The following UTRN variants were observed in gnomAD, a reference collection of about 807,000 sequenced individuals.
The protein encoded by UTRN is dystrophin-related protein 1.
Under a neutral mutation model 463.9 loss-of-function variants are expected in UTRN, and 283 were observed. The ratio of observed to expected loss-of-function variants is 0.61; its 90% CI spans 0.55 to 0.67. The LOEUF is 0.67. Among genes scored for constraint, UTRN ranks in the 30% least tolerant of loss-of-function variants. The pLI is 0.00. For missense variants in UTRN, 3,922 were observed against 4,084.3 expected, an observed-to-expected ratio of 0.96 and a Z score of 1.08; for synonymous variants, 1,442 against 1,431.5, an observed-to-expected ratio of 1.01 and a Z score of -0.17.
intron 2 of UTRN, among the ~76,000 whole-genome samples, chr6:144,341,450 A>G (rs1226600045): frequency 6.6e-6 from 1 of 152,070 alleles, no homozygotes; most frequent in Non-Finnish European, 1.5e-5. Flanking sequence ...TAAGGTCTGA[A>G]AAAAAAAGAT....
At chr6:144,546,533 A>G (rs2091485) in intron 46 of UTRN, among the ~76,000 whole-genome samples, 82,509 of 152,008 alleles carry the variant, frequency 0.54, 24,500 homozygotes, top group East Asian at 0.85. Flanking sequence ...GGGCACAGTG[A>G]ATCATGTCTA....
chr6:144,834,524 C>T (rs1780944050), intron 69 of UTRN, among the ~76,000 whole-genome samples: 1 of 152,186 alleles, frequency 6.6e-6, no homozygotes, highest in African/African-American at 2.4e-5. Flanking sequence ...CTGTCTGATA[C>T]AATTTCAAGT....
At chr6:144,772,894 C>A (rs567591333) in intron 59 of UTRN, among the ~76,000 whole-genome samples, 2 of 151,756 alleles carry the variant, frequency 1.3e-5, no homozygotes, top group African/African-American at 2.4e-5. Flanking sequence ...GAGGGAAAAA[C>A]AGCACCCGAA....
At chr6:144,694,120 A>C (rs569491804) in intron 52 of UTRN, among the ~76,000 whole-genome samples, 1 of 151,954 alleles carries the variant, frequency 6.6e-6, no homozygotes, top group Non-Finnish European at 1.5e-5. Flanking sequence ...TTTTGTTGAA[A>C]GCCTTTTCTG....
At chr6:144,678,374 C>G (rs1781860667) in intron 51 of UTRN, 32 bp from the exon 52 acceptor site, 1 of 1,597,100 alleles carries the variant, frequency 6.3e-7, no homozygotes, top group African/African-American at 1.3e-5. Context: ...ATTCCTAACA[C>G]TTGCATTATC....
intron 3 of UTRN, among the ~76,000 whole-genome samples, chr6:144,416,917 T>C (rs1005372143): frequency 1.3e-5 from 2 of 152,222 alleles, no homozygotes; most frequent in Non-Finnish European, 2.9e-5. Flanking sequence ...TATTCAACTG[T>C]ATTCTCTTTG....
At chr6:144,619,801 GC>G (rs71552924) in intron 51 of UTRN, among the ~76,000 whole-genome samples, 24,653 of 152,110 alleles carry the variant, frequency 0.16, 2,172 homozygotes, top group South Asian at 0.27. Context: ...CTTAATATCT[GC>G]CCCCATTTTG....
intron 51 of UTRN, among the ~76,000 whole-genome samples, chr6:144,599,169 G>C (rs568963102): frequency 6.6e-6 from 1 of 152,262 alleles, no homozygotes; most frequent in East Asian, 1.9e-4. Context: ...GACAGAAATT[G>C]AAGACCAGGA....
At chr6:144,566,849 A>C (rs916128028) in intron 50 of UTRN, among the ~76,000 whole-genome samples, 3 of 152,142 alleles carry the variant, frequency 2.0e-5, no homozygotes, top group Non-Finnish European at 4.4e-5. Context: ...AAAAGACTTC[A>C]TGAAAAGTTT....
chr6:144,365,355 A>T (rs1333265759), intron 2 of UTRN, among the ~76,000 whole-genome samples: 2 of 152,198 alleles, frequency 1.3e-5, no homozygotes, highest in Admixed American at 6.5e-5. Flanking sequence ...GGAAGGAATG[A>T]CTCAAGTACT....
intron 53 of UTRN, among the ~76,000 whole-genome samples, chr6:144,701,365 T>A (rs1039476667): frequency 2.6e-5 from 4 of 151,912 alleles, no homozygotes; most frequent in Non-Finnish European, 5.9e-5. Flanking sequence ...CTATTTAAAA[T>A]CATTTTATGT....
intron 48 of UTRN, among the ~76,000 whole-genome samples, chr6:144,552,521 T>C (rs1430883444): frequency 6.6e-6 from 1 of 152,242 alleles, no homozygotes; most frequent in African/African-American, 2.4e-5. Context: ...TGTCCAAAAC[T>C]TCTTTCAGGT....
At chr6:144,420,703 A>C (rs1363342957) in intron 3 of UTRN, among the ~76,000 whole-genome samples, 3 of 152,228 alleles carry the variant, frequency 2.0e-5, no homozygotes, top group Admixed American at 1.3e-4. Context: ...TTAAGAAATT[A>C]ATAACCAGAA....
intron 50 of UTRN, among the ~76,000 whole-genome samples, chr6:144,571,220 G>GT (rs78220663): frequency 0.082 from 12,385 of 151,912 alleles, 1,113 homozygotes; most frequent in East Asian, 0.54. Context: ...TATTCTTAAT[G>GT]TTTTTTCTGT....
intron 51 of UTRN, among the ~76,000 whole-genome samples, chr6:144,615,871 T>C (rs761354876): frequency 5.3e-5 from 8 of 152,168 alleles, no homozygotes; most frequent in Non-Finnish European, 1.2e-4. Flanking sequence ...ATTACACTTA[T>C]AATAAAATCT....
intron 2 of UTRN, among the ~76,000 whole-genome samples, chr6:144,310,659 TC>T (rs1806175676): frequency 6.6e-6 from 1 of 151,536 alleles, no homozygotes; most frequent in South Asian, 2.1e-4. Context: ...GTGCCTGTAA[TC>T]CCAACTACTG....
chr6:144,682,356 A>C (rs1225431726), intron 52 of UTRN, among the ~76,000 whole-genome samples: 1 of 152,190 alleles, frequency 6.6e-6, no homozygotes, highest in Non-Finnish European at 1.5e-5. Context: ...ATTTTGTATA[A>C]ATACATTTTC....
chr6:144,841,024 G>A (rs1781529838), intron 73 of UTRN, among the ~76,000 whole-genome samples, 192 bp downstream of exon 73: 1 of 152,182 alleles, frequency 6.6e-6, no homozygotes, highest in South Asian at 2.1e-4. Flanking sequence ...AGTAACGGGG[G>A]TACAGTCGCA....
intron 3 of UTRN, among the ~76,000 whole-genome samples, chr6:144,419,831 C>T (rs573617751): frequency 1.8e-3 from 278 of 152,274 alleles, no homozygotes; most frequent in African/African-American, 6.3e-3. Flanking sequence ...CCTTACACAT[C>T]GCACTGTAAT....
Sources: allele counts gnomAD v4.1 joint callset (sites outside exome capture counted in the v4.1 genomes callset), GRCh38; gene constraint gnomAD v4.1.1; transcripts MANE v1.5; gene names NCBI Gene and HGNC (gene_info 2026-07-23, HGNC 2026-07-21).